CLSTN2: variants seen among roughly 807,000 people sequenced by gnomAD.
The protein encoded by CLSTN2 is calsyntenin 2.
A neutral mutation model predicts 101.2 loss-of-function variants in CLSTN2; 48 were observed. The observed-to-expected ratio is 0.47, with a 90% confidence interval of 0.38 to 0.60. The LOEUF is 0.60. CLSTN2 is among the 20% of genes least tolerant of loss of function. The probability of loss-of-function intolerance (pLI) is 0.00; values close to 1 mark genes in which losing one functional copy is unlikely to be tolerated. For missense variants in CLSTN2, 1,160 were observed against 1,238.2 expected (o/e 0.94, Z 0.95); for synonymous variants, 481 against 463.6 (o/e 1.04, Z -0.48).
chr3:140,060,405 G>C (rs1231156496), intron 1 of CLSTN2, among the ~76,000 whole-genome samples: 1 of 152,130 alleles, frequency 6.6e-6, no homozygotes, highest in Non-Finnish European at 1.5e-5. Flanking sequence ...ATGAGGAGCT[G>C]CTTTAATACG....
At chr3:140,523,112 G>A (rs1935066144) in intron 8 of CLSTN2, among the ~76,000 whole-genome samples, 1 of 151,916 alleles carries the variant, frequency 6.6e-6, no homozygotes. Flanking sequence ...TGAACTGTGT[G>A]CATTTGGACT....
chr3:140,461,573 G>T (rs1224720681), intron 7 of CLSTN2, among the ~76,000 whole-genome samples: 1 of 152,174 alleles, frequency 6.6e-6, no homozygotes, highest in African/African-American at 2.4e-5. Context: ...TACCAAGAAA[G>T]ACAGGATTGG....
At chr3:140,069,507 G>A (rs753351402) in intron 1 of CLSTN2, among the ~76,000 whole-genome samples, 4 of 152,200 alleles carry the variant, frequency 2.6e-5, no homozygotes, top group Non-Finnish European at 5.9e-5. Context: ...CTAGTTGATT[G>A]TATAAGAAGT....
intron 1 of CLSTN2, among the ~76,000 whole-genome samples, chr3:139,967,830 C>T (rs1449740707): frequency 6.6e-6 from 1 of 152,128 alleles, no homozygotes; most frequent in Non-Finnish European, 1.5e-5. Flanking sequence ...CACATCTACA[C>T]TAATATTTAA....
chr3:140,123,651 C>A (rs1402126888), intron 1 of CLSTN2, among the ~76,000 whole-genome samples: 1 of 152,042 alleles, frequency 6.6e-6, no homozygotes, highest in Admixed American at 6.6e-5. Context: ...TTTATTTTTG[C>A]ACAATTTTGG....
intron 1 of CLSTN2, among the ~76,000 whole-genome samples, chr3:139,970,428 T>C (rs1935676308): frequency 6.6e-6 from 1 of 152,178 alleles, no homozygotes; most frequent in Admixed American, 6.5e-5. Flanking sequence ...GAGGAGGTGC[T>C]CAAAGCCTAG....
At chr3:140,482,118 A>G (rs1341068602) in intron 8 of CLSTN2, among the ~76,000 whole-genome samples, 2 of 152,146 alleles carry the variant, frequency 1.3e-5, no homozygotes, top group Non-Finnish European at 2.9e-5. Context: ...TTTGAGATAC[A>G]TCCCATCAAT....
At chr3:140,479,260 A>G (rs1019805152) in intron 8 of CLSTN2, among the ~76,000 whole-genome samples, 1 of 152,224 alleles carries the variant, frequency 6.6e-6, no homozygotes, top group Non-Finnish European at 1.5e-5. Flanking sequence ...AAAAGCACAG[A>G]CTATGTGCCA....
chr3:140,294,035 A>G (rs2086980159), intron 2 of CLSTN2, among the ~76,000 whole-genome samples: 1 of 152,184 alleles, frequency 6.6e-6, no homozygotes, highest in Non-Finnish European at 1.5e-5. Flanking sequence ...CCATTTACTC[A>G]TCTTCCAAAG....
chr3:139,949,685 G>C (rs1298907762), intron 1 of CLSTN2, among the ~76,000 whole-genome samples: 1 of 152,170 alleles, frequency 6.6e-6, no homozygotes, highest in Admixed American at 6.5e-5. Context: ...ATAGACATAA[G>C]GCCCCACTTT....
chr3:140,143,548 C>T (rs1293075513), intron 1 of CLSTN2, among the ~76,000 whole-genome samples: 1 of 152,194 alleles, frequency 6.6e-6, no homozygotes, highest in Non-Finnish European at 1.5e-5. Context: ...CTCACAGATA[C>T]ACCCAGAAAT....
At chr3:140,500,292 T>C (rs1432287969) in intron 8 of CLSTN2, among the ~76,000 whole-genome samples, 5 of 152,134 alleles carry the variant, frequency 3.3e-5, no homozygotes, top group Non-Finnish European at 5.9e-5. Context: ...TTATTGGCAA[T>C]TGTTTAAAGA....
At chr3:139,971,785 A>T (rs1262159178) in intron 1 of CLSTN2, among the ~76,000 whole-genome samples, 1 of 152,184 alleles carries the variant, frequency 6.6e-6, no homozygotes, top group Non-Finnish European at 1.5e-5. Context: ...AGGGAAATGG[A>T]GACTGAAGGA....
intron 1 of CLSTN2, among the ~76,000 whole-genome samples, chr3:140,031,967 G>A (rs1413012633): frequency 6.6e-6 from 1 of 152,116 alleles, no homozygotes; most frequent in Non-Finnish European, 1.5e-5. Flanking sequence ...AGACTCCAGG[G>A]TTTCCAAACT....
chr3:140,302,897 G>T (rs2087074007), intron 2 of CLSTN2, among the ~76,000 whole-genome samples: 1 of 152,182 alleles, frequency 6.6e-6, no homozygotes, highest in Non-Finnish European at 1.5e-5. Context: ...CTGACATTCT[G>T]GTGTGAGCTA....
intron 1 of CLSTN2, among the ~76,000 whole-genome samples, chr3:140,081,403 GC>G (rs2008596870): frequency 6.6e-6 from 1 of 152,166 alleles, no homozygotes; most frequent in African/African-American, 2.4e-5. Context: ...TTAGTATTCT[GC>G]GTGAAAAGTT....
chr3:140,091,782 A>G (rs924755766), intron 1 of CLSTN2, among the ~76,000 whole-genome samples: 2 of 152,098 alleles, frequency 1.3e-5, no homozygotes, highest in South Asian at 2.1e-4. Context: ...TAAAAGTTAT[A>G]TTGTGTTTTA....
intron 1 of CLSTN2, among the ~76,000 whole-genome samples, chr3:139,936,185 G>A (rs1935016267): frequency 6.6e-6 from 1 of 152,216 alleles, no homozygotes; most frequent in African/African-American, 2.4e-5. Context: ...CCGCCCGGAA[G>A]GAAGCTAGAT....
At chr3:140,262,941 A>C (rs1047794849) in intron 2 of CLSTN2, among the ~76,000 whole-genome samples, 9 of 152,150 alleles carry the variant, frequency 5.9e-5, no homozygotes, top group African/African-American at 1.9e-4. Context: ...CAAGGAGGAC[A>C]GTGAGTTATT....
Sources: allele counts gnomAD v4.1 joint callset (sites outside exome capture counted in the v4.1 genomes callset), GRCh38; gene constraint gnomAD v4.1.1; transcripts MANE v1.5; gene names NCBI Gene and HGNC (gene_info 2026-07-23, HGNC 2026-07-21).